The following BCAP29 variants were observed in gnomAD, a reference collection of about 807,000 sequenced individuals.
BCAP29 encodes B-cell receptor-associated protein 29.
A neutral mutation model predicts 31.8 loss-of-function variants in BCAP29; 34 were observed. The observed-to-expected ratio is 1.07, with a 90% CI of 0.81 to 1.42. BCAP29 has a LOEUF of 1.42. Among genes scored for constraint, BCAP29 ranks in the 40% most tolerant of loss-of-function variants. The pLI is 0.00. For synonymous variants in BCAP29, 104 were observed against 91.3 expected (o/e 1.14, Z -0.79); for missense variants, 314 against 269.2 (o/e 1.17, Z -1.16).
At chr7:107,621,827 C>A (rs1394935289), downstream of BCAP29, 4 of 517,930 alleles carry the variant, frequency 7.7e-6, no homozygotes, top group African/African-American at 7.7e-5. Flanking sequence ...TATTGGACTT[C>A]CTGGCCTCCA....
At position 107,600,456 on chromosome 7, in the gene BCAP29, A is replaced by T. The variant is rs146681774; in HGVS notation, c.540A>T (p.Leu180=). The T allele has an allele frequency of 1.7e-5, 27 of 1,611,500 alleles. No homozygotes were observed. Among genetic ancestry groups the T allele is most frequent in the Middle Eastern group, 1.7e-4 (1 of 6,050 alleles). The change falls in exon 6 of 8, where the codon CTA becomes CTT. Residue 180 remains leucine (L), a synonymous_variant. Transcript: ENST00000005259. ...TTTTGGAAGCAGAAAATAAAAAACT[A>T]GTAGAAGACCAGGAGAAACTGAAAA... is the stretch of plus-strand genomic sequence containing the variant. ...ECVLEAENKK[L]VEDQEKLKTE...
rs59376183 is a variant in BCAP29 at position 107,598,894 on chromosome 7, TACAC to T, written c.481-1468_481-1465del. ...TAAGACCAGCCTGGGCAATACAGTA[TACAC>T]ACACACACACACACACACACACACA... On this transcript the variant is annotated intron_variant, in intron 5 of 7. Coordinates refer to ENST00000005259, the MANE Select transcript of BCAP29 (RefSeq NM_018844.4). 6.7e-3 allele frequency among the ~76,000 whole-genome samples: 928 copies of T among 139,080 alleles called. 10 individuals carry two copies. Among genetic ancestry groups the T allele is most frequent in the East Asian group, 0.019 (93 of 4,824 alleles). The allele number at this position is 139,080 out of a possible 152,430, so 91.2% of individuals were successfully genotyped here. A position where few individuals can be genotyped will look rare whatever the true frequency, so the allele number is the denominator to read the frequency against.
chr7:107,597,447 A>G (rs1271021190), intron 5 of BCAP29, among the ~76,000 whole-genome samples: 1 of 152,206 alleles, frequency 6.6e-6, no homozygotes, highest in African/African-American at 2.4e-5. Context: ...CGAGAGACTT[A>G]GGTGCTAGTT....
In BCAP29 at chr7:107,580,846, C is replaced by T; in HGVS notation, c.74C>T (p.Pro25Leu). The change falls in exon 2 of 8, where the codon CCT (proline) becomes CTT (leucine). Residue 25 changes from proline (P) to leucine (L), a missense_variant. By Grantham distance (98) the Pro-to-Leu change is moderately conservative. Transcript: ENST00000005259. ...GGACTCATTTTAATCTTCTGCCTAC[C>T]TTTTATTCCTCCTCAGAGGTAGGAA... ...EIGLILIFCLPFIPPQRWQKI... is the reference protein window; with the variant it reads ...EIGLILIFCLLFIPPQRWQKI... The T allele has an allele frequency of 6.3e-7, 1 of 1,591,252 alleles. No individual in the cohort carries two copies. The highest frequency in any genetic ancestry group is 8.5e-7 in the Non-Finnish European group (1 of 1,170,280).
chr7:107,599,210 A>AAT (rs61332689), intron 5 of BCAP29, among the ~76,000 whole-genome samples: 13 of 126,286 alleles, frequency 1.0e-4, no homozygotes, highest in South Asian at 4.5e-4. Flanking sequence ...CATATTTATA[A>AAT]ATATATATAT....
downstream of BCAP29, chr7:107,621,307 T>C (rs1814950477): frequency 5.2e-6 from 1 of 194,130 alleles, no homozygotes; most frequent in Admixed American, 5.6e-5. Context: ...CTTAGTAATC[T>C]TGGAAATCCA....
chr7:107,590,504 C>T (rs749361848), intron 3 of BCAP29, among the ~76,000 whole-genome samples: 1 of 152,084 alleles, frequency 6.6e-6, no homozygotes, highest in Non-Finnish European at 1.5e-5. Flanking sequence ...TCCTTATTTG[C>T]AGATGACACG....
intron 7 of BCAP29, chr7:107,615,661 G>A: frequency 9.5e-6 from 2 of 209,720 alleles, no homozygotes; most frequent in Non-Finnish European, 2.0e-5. Flanking sequence ...ACCTGTTTCT[G>A]TGGAAAAGAC....
intron 3 of BCAP29, among the ~76,000 whole-genome samples, chr7:107,589,346 G>T (rs1808299306): frequency 6.6e-6 from 1 of 152,084 alleles, no homozygotes; most frequent in Non-Finnish European, 1.5e-5. Context: ...AGAATCACTG[G>T]GAGCCCTGAG....
At chr7:107,610,417 A>C (rs970298821) in intron 6 of BCAP29, among the ~76,000 whole-genome samples, 2 of 152,218 alleles carry the variant, frequency 1.3e-5, no homozygotes, top group Non-Finnish European at 2.9e-5. Flanking sequence ...GCCTCAAAAT[A>C]AAATAAGCAT....
chr7:107,589,885 C>T (rs754470598), intron 3 of BCAP29, among the ~76,000 whole-genome samples: 86 of 152,280 alleles, frequency 5.6e-4, no homozygotes, highest in Admixed American at 1.3e-3. Flanking sequence ...AACTCCTGGC[C>T]TCAAGTGATC....
At chr7:107,585,882 T>G (rs1807575468) in intron 3 of BCAP29, among the ~76,000 whole-genome samples, 1 of 151,952 alleles carries the variant, frequency 6.6e-6, no homozygotes, top group East Asian at 1.9e-4. Context: ...TCCCAGCTAC[T>G]CAGGAAACTG....
Position 107,599,270 on chromosome 7 carries a change from A to AATT in BCAP29, c.481-1127_481-1126insATT, listed in dbSNP as rs1212847750. On this transcript the variant is annotated intron_variant, in intron 5 of 7. Coordinates refer to ENST00000005259, the MANE Select transcript of BCAP29 (RefSeq NM_018844.4). The stretch of plus-strand genomic sequence containing the variant: ...AAATATATATAATTTTTATATATAT[A>AATT]TTTATATATAATTTTTATATATAAA... 1.8e-3 allele frequency among the ~76,000 whole-genome samples: 216 copies of AATT among 121,316 alleles called. 17 individuals carry two copies. Among genetic ancestry groups the AATT allele is most frequent in the African/African-American group, 7.2e-3 (207 of 28,942 alleles). The allele number at this position is 121,316 out of a possible 152,430, so 79.6% of individuals were successfully genotyped here. A position where few individuals can be genotyped will look rare whatever the true frequency, so the allele number is the denominator to read the frequency against.
intron 4 of BCAP29, 70 bp from the exon 5 acceptor site, chr7:107,595,797 G>T: frequency 1.3e-6 from 2 of 1,495,078 alleles, no homozygotes; most frequent in Non-Finnish European, 1.8e-6. Flanking sequence ...GGAGTAATTT[G>T]GCAATGACTG....
At chr7:107,583,857 C>A in intron 2 of BCAP29, 25 bp from the exon 3 acceptor site, 2 of 1,231,592 alleles carry the variant, frequency 1.6e-6, no homozygotes, top group South Asian at 3.1e-5. Flanking sequence ...TTTTTTATAC[C>A]TAATATAATT....
intron 6 of BCAP29, among the ~76,000 whole-genome samples, chr7:107,600,830 A>G (rs1343366487): frequency 6.6e-6 from 1 of 152,252 alleles, no homozygotes; most frequent in East Asian, 1.9e-4. Flanking sequence ...CCATCATCGT[A>G]TATTCCTCCT....
At chr7:107,583,855 A>C in intron 2 of BCAP29, 27 bp from the exon 3 acceptor site, 2 of 1,208,918 alleles carry the variant, frequency 1.7e-6, no homozygotes, top group Non-Finnish European at 2.3e-6. Context: ...GTTTTTTTAT[A>C]CCTAATATAA....
intron 4 of BCAP29, among the ~76,000 whole-genome samples, chr7:107,595,146 G>A (rs1809586494): frequency 6.6e-6 from 1 of 152,056 alleles, no homozygotes; most frequent in African/African-American, 2.4e-5. Context: ...TCATCCATTA[G>A]CCTCTTTCTC....
chr7:107,605,183 T>C (rs960169955), intron 6 of BCAP29, among the ~76,000 whole-genome samples: 7 of 152,190 alleles, frequency 4.6e-5, no homozygotes, highest in Admixed American at 4.6e-4. Flanking sequence ...CTATGTGTCT[T>C]TCAGTAACCA....
Sources: gnomAD v4.1 joint callset for allele counts (sites outside exome capture counted in the v4.1 genomes callset) on GRCh38, gnomAD v4.1.1 for gene constraint, MANE v1.5 for transcripts, NCBI Gene and HGNC (gene_info 2026-07-23, HGNC 2026-07-21) for gene names.